BRF1: variants seen among roughly 807,000 people sequenced by gnomAD.
The protein encoded by BRF1 is BRF1 general transcription factor IIIB subunit.
A neutral mutation model predicts 81.7 loss-of-function variants in BRF1; 59 were observed. That is an observed-to-expected ratio of 0.72 (90% CI 0.59 to 0.90). The LOEUF is 0.90. Among genes scored for constraint, BRF1 ranks in the 40% least tolerant of loss-of-function variants. The pLI is 0.00. For synonymous variants in BRF1, 491 were observed against 395.6 expected (o/e 1.24, Z -2.86); for missense variants, 1,050 against 936.3 (o/e 1.12, Z -1.58).
Position 105,228,866 on chromosome 14 carries a change from C to T in BRF1, c.742G>A (p.Glu248Lys). The change falls in exon 7 of 18, where the codon GAG becomes AAG. Residue 248 changes from glutamate to lysine, a missense_variant. By Grantham distance (56) the Glu-to-Lys change is moderately conservative (BLOSUM62 1). This residue lies in a region of BRF1 where 1,043 missense variants were observed against 915.4 expected (regional missense o/e 1.14). Transcript: ENST00000547530. Reference protein sequence around the residue: ...RMHDFRRTVKEVISVVKVCES... With the variant: ...RMHDFRRTVKKVISVVKVCES... ...CACACTTTGACCACACTGATGACCT[C>T]CTTCACAGTCCTCCTGAAGTCATGC... 3 of 1,613,878 alleles carry T rather than the reference C, an allele frequency of 1.9e-6. No homozygotes were observed. Among genetic ancestry groups the T allele is most frequent in the Non-Finnish European group, 2.5e-6 (3 of 1,180,012 alleles).
chr14:105,242,936 T>C (rs2054801652), intron 5 of BRF1, among the ~76,000 whole-genome samples: 1 of 150,468 alleles, frequency 6.6e-6, no homozygotes, highest in Admixed American at 6.7e-5. Context: ...GGCAACATGG[T>C]GAAACCCCGT....
At chr14:105,265,482 T>C (rs1308125422) in intron 3 of BRF1, among the ~76,000 whole-genome samples, 3 of 152,164 alleles carry the variant, frequency 2.0e-5, no homozygotes, top group Non-Finnish European at 4.4e-5. Context: ...CCGGGTGCAG[T>C]GGTTCACGCC....
Position 105,272,883 on chromosome 14 carries a change from T to C in BRF1, c.277A>G (p.Ile93Val). Residue 93 changes from isoleucine (I) to valine (V), a missense_variant, in exon 3 of 18, where the codon ATC (isoleucine) becomes GTC (valine). Physicochemically the swap from Ile to Val is conservative, Grantham distance 29. Coordinates refer to ENST00000547530, the MANE Select transcript of BRF1 (RefSeq NM_001519.4). ...AQTLQNGRRHIHHLGNQLQLN... is the reference protein window; with the variant it reads ...AQTLQNGRRHVHHLGNQLQLN... ...TGCAGCTGGTTCCCCAGGTGGTGGA[T>C]GTGGCGCCTCCCTAGGACACAGCAC... 1.9e-6 allele frequency: 3 copies of C among 1,612,734 alleles called. No individual in the cohort carries two copies. The highest frequency in any genetic ancestry group is 1.7e-6 in the Non-Finnish European group (2 of 1,179,136).
At chr14:105,308,865 T>G (rs2058268147) in intron 1 of BRF1, among the ~76,000 whole-genome samples, 1 of 151,888 alleles carries the variant, frequency 6.6e-6, no homozygotes, top group African/African-American at 2.4e-5. Context: ...TCCCAGCACT[T>G]TGAGAGGCTG....
chr14:105,248,020 G>A (rs934326520), intron 5 of BRF1: 1 of 985,390 alleles, frequency 1.0e-6, no homozygotes, highest in South Asian at 4.7e-5. Flanking sequence ...CAGGCCCAGG[G>A]CCAGATCCTG....
chr14:105,301,803 A>G (rs1004269463), upstream of BRF1, among the ~76,000 whole-genome samples: 2 of 152,224 alleles, frequency 1.3e-5, no homozygotes, highest in Non-Finnish European at 2.9e-5. Context: ...GCTGTTCACA[A>G]TCGCCATAGG....
In BRF1 at chr14:105,250,458, C is replaced by A; in HGVS notation, c.544+2049G>T. 1 of 1,613,996 alleles carries A rather than the reference C, an allele frequency of 6.2e-7. No individual in the cohort carries two copies. On this transcript the variant is annotated intron_variant, in intron 5 of 17. Transcript: ENST00000547530. ...TCAGACGGATCCAGTAACACCTTCC[C>A]GGTCTGGTTTGAACACCCGGTCCAG... is the stretch of plus-strand genomic sequence containing the variant.
rs754041391 is a variant in BRF1, at chr14:105,210,500, G to A, written c.*51C>T. On this transcript the variant is annotated 3_prime_UTR_variant, in exon 18 of 18. Transcript: ENST00000547530. This position sits in a 1 kb window ranked among gnomAD's most constrained non-coding sequence, Gnocchi z 4.7. Reference sequence around the variant, plus strand: ...GTCCTGGAAGCCCGTCTGATGCTGAGGAGACCCGCGAGGCCCCCTGCCAGG... The same window carrying A: ...GTCCTGGAAGCCCGTCTGATGCTGAAGAGACCCGCGAGGCCCCCTGCCAGG... 4 of 1,601,704 alleles carry A rather than the reference G, an allele frequency of 2.5e-6. No individual in the cohort carries two copies. Among genetic ancestry groups the A allele is most frequent in the East Asian group, 2.2e-5 (1 of 44,670 alleles).
upstream of BRF1, among the ~76,000 whole-genome samples, chr14:105,304,596 C>T (rs1253894991): frequency 6.6e-6 from 1 of 152,238 alleles, no homozygotes; most frequent in Non-Finnish European, 1.5e-5. Flanking sequence ...AGATGGGCTG[C>T]AGAGGAGGGG....
chr14:105,270,381 T>C (rs952343142), intron 3 of BRF1, among the ~76,000 whole-genome samples: 1 of 151,938 alleles, frequency 6.6e-6, no homozygotes, highest in Non-Finnish European at 1.5e-5. Context: ...TTCATGGTGT[T>C]AGACAGGATG....
chr14:105,212,131 CT>C lies in BRF1; in HGVS notation c.1805del (p.Lys602ArgfsTer60), dbSNP rs1566792403. On this transcript the variant is annotated frameshift_variant, in exon 16 of 18. Coordinates refer to ENST00000547530, the MANE Select transcript of BRF1 (RefSeq NM_001519.4). LOFTEE classifies it high-confidence loss of function. ...AACACACCTCTCCCGTGGCCACCTT[CT>C]TTGCTGGCTGCGTAGACACCAGAGG... ...LRPLVSTQPA[K>X]KVATGEALLP... The C allele has an allele frequency of 6.2e-7, 1 of 1,612,862 alleles. No individual in the cohort carries two copies. Among genetic ancestry groups the C allele is most frequent in the Non-Finnish European group, 8.5e-7 (1 of 1,179,740 alleles).
intron 5 of BRF1, chr14:105,248,784 C>G (rs1244120804): frequency 2.0e-6 from 2 of 982,372 alleles, no homozygotes; most frequent in East Asian, 2.3e-4. Context: ...GCTTGCAGAG[C>G]CGCTCCCGAG....
chr14:105,219,091 C>G, intron 13 of BRF1, 38 bp from the exon 14 acceptor site: 1 of 1,613,950 alleles, frequency 6.2e-7, no homozygotes, highest in Non-Finnish European at 8.5e-7. Flanking sequence ...CACTGAGGGC[C>G]CACGCCCCAG....
rs182097598 is a variant in BRF1 at position 105,210,942 on chromosome 14, G to A, written c.1996+180C>T. On this transcript the variant is annotated intron_variant, in intron 17 of 17. Coordinates refer to ENST00000547530, the MANE Select transcript of BRF1 (RefSeq NM_001519.4). This position sits in a 1 kb window ranked among gnomAD's most constrained non-coding sequence, Gnocchi z 4.7. ...ACCGTCCCTAGCCTCTCTGACCCTG[G>A]CTGCCTCCAACCTCACAATCGACAT... Among the ~76,000 whole-genome samples, 534 of 152,274 alleles carry A rather than the reference G, an allele frequency of 3.5e-3. 4 individuals carry two copies. The highest frequency in any genetic ancestry group is 0.012 in the African/African-American group (507 of 41,550).
intron 1 of BRF1, among the ~76,000 whole-genome samples, chr14:105,289,525 T>A (rs587618132): frequency 6.6e-5 from 10 of 152,336 alleles, no homozygotes; most frequent in African/African-American, 2.4e-4. Flanking sequence ...TGAGCAGCAC[T>A]GATGAGCCAA....
intron 11 of BRF1, 99 bp downstream of exon 11, chr14:105,221,549 C>T (rs905857367): frequency 1.0e-5 from 15 of 1,484,628 alleles, no homozygotes; most frequent in South Asian, 2.6e-5. Flanking sequence ...CCACACCTCC[C>T]GACAGAGGAT....
At chr14:105,211,879 G>A (rs1372175465) in intron 16 of BRF1, 9 of 596,438 alleles carry the variant, frequency 1.5e-5, no homozygotes, top group African/African-American at 9.3e-5. Flanking sequence ...TGGCCCGAGC[G>A]CTGAGCAGCA....
chr14:105,266,601 CAA>C (rs887446056), intron 3 of BRF1, among the ~76,000 whole-genome samples: 1 of 152,048 alleles, frequency 6.6e-6, no homozygotes, highest in African/African-American at 2.4e-5. Context: ...GTCCTATACA[CAA>C]AAGTCTACCG....
intron 7 of BRF1, chr14:105,227,001 C>G: frequency 2.1e-6 from 1 of 480,490 alleles, no homozygotes; most frequent in Non-Finnish European, 3.6e-6. Flanking sequence ...GTAGTTTCTG[C>G]TACTTGGGAG....
Sources: gnomAD v4.1 joint callset for allele counts (sites outside exome capture counted in the v4.1 genomes callset) on GRCh38, gnomAD v4.1.1 for gene constraint, gnomAD v4.1.1 regional missense constraint, Gnocchi (gnomAD v3.1) non-coding constraint, MANE v1.5 for transcripts, NCBI Gene and HGNC (gene_info 2026-07-23, HGNC 2026-07-21) for gene names.